STIM1: variants seen among roughly 807,000 people sequenced by gnomAD.
STIM1 encodes stromal interaction molecule 1.
A neutral mutation model predicts 74.7 loss-of-function variants in STIM1; 25 were observed. The observed-to-expected ratio is 0.33, with a 90% CI of 0.24 to 0.47. The LOEUF is 0.47. Among genes scored for constraint, STIM1 ranks in the 20% least tolerant of loss-of-function variants. The pLI is 1.00. For synonymous variants in STIM1, 328 were observed against 348.8 expected, an observed-to-expected ratio of 0.94 and a Z score of 0.66; for missense variants, 728 against 920.8, an observed-to-expected ratio of 0.79 and a Z score of 2.71.
chr11:4,061,602 GAC>G (rs1238833602), intron 5 of STIM1, among the ~76,000 whole-genome samples: 1 of 152,166 alleles, frequency 6.6e-6, no homozygotes, highest in Non-Finnish European at 1.5e-5. Flanking sequence ...TCAGAAATTA[GAC>G]ACAGAGTTAC....
At chr11:4,070,991 T>G (rs571571269) in intron 6 of STIM1, among the ~76,000 whole-genome samples, 2 of 152,266 alleles carry the variant, frequency 1.3e-5, no homozygotes, top group South Asian at 4.1e-4. Flanking sequence ...CAGACTCAGC[T>G]TATAGGATAA....
intron 5 of STIM1, among the ~76,000 whole-genome samples, chr11:4,062,802 C>G (rs2094339990): frequency 6.6e-6 from 1 of 151,862 alleles, no homozygotes. Flanking sequence ...AAGACAGTAA[C>G]AAGTGTTGGT....
intron 1 of STIM1, among the ~76,000 whole-genome samples, chr11:3,881,756 T>C (rs1209527242): frequency 6.6e-6 from 1 of 152,180 alleles, no homozygotes; most frequent in East Asian, 1.9e-4. Context: ...TGCTTTCTGC[T>C]CACTGCAGCC....
intron 1 of STIM1, among the ~76,000 whole-genome samples, chr11:3,894,286 A>G (rs1044259777): frequency 6.6e-6 from 1 of 152,140 alleles, no homozygotes; most frequent in Non-Finnish European, 1.5e-5. Context: ...TCTCAACCCA[A>G]CAGTTAAACT....
Position 3,974,645 on chromosome 11 carries a change from C to T in STIM1, c.270+6963C>T, listed in dbSNP as rs61897199. ...CTAGTTTGGTTAAGTGCCATCTTTG[C>T]TTGCTTCTCTTCTGGATAGCAGAGG... On this transcript the variant is annotated intron_variant, in intron 2 of 12. Coordinates refer to ENST00000526596, the MANE Select transcript of STIM1 (RefSeq NM_001382567.1). Among the ~76,000 whole-genome samples the T allele has an allele frequency of 5.2e-3, 786 of 152,004 alleles. 6 individuals carry two copies. The highest frequency in any genetic ancestry group is 7.5e-3 in the Non-Finnish European group (512 of 67,970).
intron 2 of STIM1, chr11:3,972,848 G>T: frequency 2.1e-6 from 1 of 475,688 alleles, no homozygotes. Flanking sequence ...CACCATAGCT[G>T]CCTTGGTTTT....
chr11:3,952,386 C>T (rs567732770), intron 1 of STIM1, among the ~76,000 whole-genome samples: 2 of 152,120 alleles, frequency 1.3e-5, no homozygotes, highest in Admixed American at 1.3e-4. Context: ...CAGAGTGAGA[C>T]CCTGTCTCAT....
In STIM1 at chr11:3,895,648, T is replaced by C. The variant is rs1020049939; in HGVS notation, c.139+39239T>C. 2.4e-3 allele frequency among the ~76,000 whole-genome samples: 24 copies of C among 10,022 alleles called. 1 individual carries two copies. The highest frequency in any genetic ancestry group is 4.0e-3 in the Non-Finnish European group (17 of 4,200). The allele number at this position is 10,022 out of a possible 152,430, so 6.6% of individuals were successfully genotyped here. On this transcript the variant is annotated intron_variant, in intron 1 of 12. Coordinates refer to ENST00000526596, the MANE Select transcript of STIM1 (RefSeq NM_001382567.1). ...TTTCTTTCTTTCTTTCTTTCTTTCT[T>C]TCTTTCTTTCTTTCTTTCTTTCTTT...
intron 12 of STIM1, chr11:4,088,467 C>T: frequency 2.1e-6 from 1 of 483,770 alleles, no homozygotes; most frequent in African/African-American, 2.0e-5. Flanking sequence ...AGGATTATTA[C>T]TCAGCAGAGC....
intron 4 of STIM1, among the ~76,000 whole-genome samples, chr11:4,058,430 T>G (rs2094307174): frequency 6.6e-6 from 1 of 152,172 alleles, no homozygotes; most frequent in Non-Finnish European, 1.5e-5. Context: ...GTCAGAAGCT[T>G]CTTTTCTAGC....
chr11:4,069,956 T>G, intron 5 of STIM1, 70 bp from the exon 6 acceptor site: 3 of 1,548,584 alleles, frequency 1.9e-6, no homozygotes, highest in Non-Finnish European at 2.7e-6. Flanking sequence ...AGAGGAGGGA[T>G]GCAGTGGAGT....
At chr11:3,947,906 A>G (rs1410109722) in intron 1 of STIM1, among the ~76,000 whole-genome samples, 1 of 152,248 alleles carries the variant, frequency 6.6e-6, no homozygotes, top group Non-Finnish European at 1.5e-5. Context: ...CAAAGAGACA[A>G]CGTATGTAGA....
At position 3,894,312 on chromosome 11, in the gene STIM1, G is replaced by T. The variant is rs574166388; in HGVS notation, c.139+37903G>T. 3.3e-5 allele frequency among the ~76,000 whole-genome samples: 5 copies of T among 152,202 alleles called. No homozygotes were observed. The South Asian group carries it at 1.0e-3, about 32-fold the overall frequency. On this transcript the variant is annotated intron_variant, in intron 1 of 12. Transcript: ENST00000526596. ...CAGTTAAACTCTTACAACAAAAAGGGCCCCGTATGTTTTCACTTTTGAAGG... is the reference window on the plus strand; with the variant it reads ...CAGTTAAACTCTTACAACAAAAAGGTCCCCGTATGTTTTCACTTTTGAAGG...
intron 1 of STIM1, among the ~76,000 whole-genome samples, chr11:3,877,901 G>A (rs1476972041): frequency 1.3e-5 from 2 of 152,220 alleles, no homozygotes; most frequent in African/African-American, 4.8e-5. Context: ...AGACACTGAT[G>A]CTTTCTCTTC....
chr11:3,961,751 G>A (rs1398715610), intron 1 of STIM1, among the ~76,000 whole-genome samples: 2 of 152,016 alleles, frequency 1.3e-5, no homozygotes, highest in East Asian at 1.9e-4. Flanking sequence ...CTTGTGATCC[G>A]CCTGCCTCGG....
rs549016314 is a variant in STIM1 at position 4,025,725 on chromosome 11, C to A, written c.385+1738C>A. On this transcript the variant is annotated intron_variant, in intron 3 of 12. Coordinates refer to ENST00000526596, the MANE Select transcript of STIM1 (RefSeq NM_001382567.1). Reference sequence around the variant, plus strand: ...GAGGGCAGAAACAGAGGGACTAAATCATAATGCTAGAAAACAGCTCCAGGC... The same window carrying A: ...GAGGGCAGAAACAGAGGGACTAAATAATAATGCTAGAAAACAGCTCCAGGC... Among the ~76,000 whole-genome samples the A allele has an allele frequency of 3.3e-5, 5 of 152,242 alleles. No homozygotes were observed. In the East Asian group the frequency reaches 9.6e-4, roughly 29 times the overall value.
At chr11:3,978,301 A>G (rs1466767460) in intron 2 of STIM1, among the ~76,000 whole-genome samples, 1 of 151,498 alleles carries the variant, frequency 6.6e-6, no homozygotes, top group Non-Finnish European at 1.5e-5. Context: ...GGCATGCACC[A>G]CCACGCCTGG....
At chr11:3,918,550 A>G (rs2092679831) in intron 1 of STIM1, among the ~76,000 whole-genome samples, 1 of 149,684 alleles carries the variant, frequency 6.7e-6, no homozygotes. Context: ...AAAAAGAAAG[A>G]AAGAAAGAAA....
At chr11:4,008,345 C>T (rs1590643484) in intron 2 of STIM1, among the ~76,000 whole-genome samples, 1 of 151,958 alleles carries the variant, frequency 6.6e-6, no homozygotes, top group African/African-American at 2.4e-5. Context: ...AGAATGTATC[C>T]CCATCATATG....
Sources: gnomAD v4.1 joint callset for allele counts (sites outside exome capture counted in the v4.1 genomes callset) on GRCh38, gnomAD v4.1.1 for gene constraint, MANE v1.5 for transcripts, NCBI Gene and HGNC (gene_info 2026-07-23, HGNC 2026-07-21) for gene names.